Variants in ZC2HC1C observed in about 807,000 individuals in gnomAD.
ZC2HC1C encodes the protein zinc finger C2HC-type containing 1C, also known as zinc finger C2HC domain-containing protein 1C.
ZC2HC1C carries 25 observed loss-of-function variants against 39.2 expected under a neutral mutation model. That is an observed-to-expected ratio of 0.64 (90% CI 0.47 to 0.89). The LOEUF is 0.89. Among genes scored for constraint, ZC2HC1C ranks in the 40% least tolerant of loss-of-function variants. The pLI is 0.00. For missense variants in ZC2HC1C, 519 were observed against 548.6 expected, an observed-to-expected ratio of 0.95 and a Z score of 0.54; for synonymous variants, 209 against 214.4, an observed-to-expected ratio of 0.97 and a Z score of 0.22.
At chr14:75,072,169 T>C (rs1893458533) in intron 2 of ZC2HC1C, among the ~76,000 whole-genome samples, 1 of 152,230 alleles carries the variant, frequency 6.6e-6, no homozygotes, top group Non-Finnish European at 1.5e-5. Flanking sequence ...CACAAACAGC[T>C]TTAAGTGGCA....
rs66560922 is a variant in ZC2HC1C, at chr14:75,079,215, C to CAAAAAAAAAAAAAA, written c.*1658_*1671dup. 1.2e-5 allele frequency: 1 copy of CAAAAAAAAAAAAAA among 85,248 alleles called. No homozygotes were observed. Among genetic ancestry groups the CAAAAAAAAAAAAAA allele is most frequent in the Non-Finnish European group, 2.3e-5 (1 of 43,600 alleles). 5.3% of individuals were successfully genotyped at this position (85,248 alleles called of 1,614,324 possible). ...CTGGTGACCTAGTGAGACTCCATCT[C>CAAAAAAAAAAAAAA]AAAAAAAAAAAAAAAAAAAAGAAAA... On this transcript the variant is annotated 3_prime_UTR_variant, in exon 3 of 3. Coordinates refer to ENST00000524913, the MANE Select transcript of ZC2HC1C (RefSeq NM_024643.4).
rs1247029342 is a variant in ZC2HC1C, at chr14:75,077,546, G to A, written c.1353G>A (p.Gln451=). The change falls in exon 3 of 3, where the codon CAG becomes CAA. Residue 451 remains glutamine (Q), a synonymous_variant. Coordinates refer to ENST00000524913, the MANE Select transcript of ZC2HC1C (RefSeq NM_024643.4). The stretch of plus-strand genomic sequence containing the variant: ...TTACATTACAGGCTGAACCTCCTCA[G>A]AAGAGCAACTGGAGATAGAAGCATG... ...GPASAKAEPP[Q]KSNWR is the part of the protein sequence containing the mutation. 2 of 1,614,062 alleles carry A rather than the reference G, an allele frequency of 1.2e-6. No homozygotes were observed. The highest frequency in any genetic ancestry group is 1.3e-5 in the African/African-American group (1 of 74,908).
At chr14:75,076,858 G>GAATATTAATATTCATA in intron 2 of ZC2HC1C, among the ~76,000 whole-genome samples, 2 of 152,246 alleles carry the variant, frequency 1.3e-5, no homozygotes, top group African/African-American at 4.8e-5. Context: ...TTAAGCTTAA[G>GAATATTAATATTCATA]TGGGGCTCAT....
chr14:75,074,803 C>T (rs1335970172), intron 2 of ZC2HC1C, among the ~76,000 whole-genome samples: 1 of 152,122 alleles, frequency 6.6e-6, no homozygotes, highest in African/African-American at 2.4e-5. Context: ...AACTCCTAAC[C>T]TCAAGTCATC....
intron 2 of ZC2HC1C, chr14:75,073,457 C>A: frequency 5.1e-6 from 3 of 591,138 alleles, no homozygotes; most frequent in Non-Finnish European, 8.2e-6. Flanking sequence ...GATGCTCCAG[C>A]TTTATGGCAA....
rs1893747921 is a variant in ZC2HC1C, at chr14:75,077,745, T to C, written c.*181T>C. On this transcript the variant is annotated 3_prime_UTR_variant, in exon 3 of 3. Coordinates refer to ENST00000524913, the MANE Select transcript of ZC2HC1C (RefSeq NM_024643.4). ...GGTGGCTGAGCAACACATTCCCAAG[T>C]GTAAGACCATCAAGAACTGTCTTCC... 6.2e-6 allele frequency: 4 copies of C among 644,968 alleles called. No homozygotes were observed. The highest frequency in any genetic ancestry group is 5.4e-5 in the Admixed American group (2 of 36,978). The allele number at this position is 644,968 out of a possible 1,614,324, so 40.0% of individuals were successfully genotyped here.
rs764655522 is a variant in ZC2HC1C at position 75,071,839 on chromosome 14, C to T, written c.1266C>T (p.Asp422=). 3.1e-6 allele frequency: 5 copies of T among 1,614,024 alleles called. No homozygotes were observed. The highest frequency in any genetic ancestry group is 4.2e-6 in the Non-Finnish European group (5 of 1,180,010). Residue 422 remains aspartate, a synonymous_variant, in exon 2 of 3, where the codon GAC becomes GAT. Coordinates refer to ENST00000524913, the MANE Select transcript of ZC2HC1C (RefSeq NM_024643.4). The part of the protein sequence containing the change: ...RMRGSKRKVF[D]SSRARAKGTE... ...GGGGTTCCAAGAGGAAAGTGTTTGA[C>T]TCCTCCAGGGCCCGGGCTAAGGGCA...
chr14:75,071,201 T>C lies in ZC2HC1C; in HGVS notation c.628T>C (p.Trp210Arg). The C allele has an allele frequency of 6.2e-7, 1 of 1,613,658 alleles. No individual in the cohort carries two copies. The highest frequency in any genetic ancestry group is 8.5e-7 in the Non-Finnish European group (1 of 1,179,942). Residue 210 changes from tryptophan to arginine, a missense_variant, in exon 2 of 3, where the codon TGG becomes CGG. Trp to Arg is a moderately radical substitution (Grantham distance 101, BLOSUM62 -3). Transcript: ENST00000524913. ...KAVANFDRTE[W>R]VQIRRLEAAG... is the part of the protein sequence containing the mutation. ...CGTGGCAAACTTTGACAGGACGGAG[T>C]GGGTGCAGATCCGAAGACTAGAAGC...
intron 1 of ZC2HC1C, among the ~76,000 whole-genome samples, chr14:75,070,138 G>A (rs1893287030): frequency 6.6e-6 from 1 of 152,278 alleles, no homozygotes; most frequent in South Asian, 2.1e-4. Context: ...CTGTAAAATG[G>A]TGAGGCTGGA....
In ZC2HC1C at chr14:75,071,533, T is replaced by C; in HGVS notation, c.960T>C (p.Asp320=). Residue 320 remains aspartate (D), a synonymous_variant, in exon 2 of 3, where the codon GAT becomes GAC. Transcript: ENST00000524913. ...ATTCAGGTCCATTCCAGTTCTCTGA[T>C]TATAGAATCCAGAGGCTCAAAAGGG... ...QQNSGPFQFS[D]YRIQRLKRER... The C allele has an allele frequency of 6.2e-7, 1 of 1,614,120 alleles. No individual in the cohort carries two copies. Among genetic ancestry groups the C allele is most frequent in the African/African-American group, 1.3e-5 (1 of 75,028 alleles).
At chr14:75,077,078 C>T (rs888295065) in intron 2 of ZC2HC1C, among the ~76,000 whole-genome samples, 2 of 152,116 alleles carry the variant, frequency 1.3e-5, no homozygotes, top group African/African-American at 2.4e-5. Context: ...TACACTTGTA[C>T]TTAATCCCCA....
Position 75,071,066 on chromosome 14 carries a change from C to A in ZC2HC1C, c.493C>A (p.Pro165Thr). Residue 165 changes from proline to threonine, a missense_variant, in exon 2 of 3, where the codon CCA becomes ACA. By Grantham distance (38) the Pro-to-Thr change is conservative. Transcript: ENST00000524913. ...CACTGATGGGGACCATAATGTCTAC[C>A]CAAGGCCCCCTGAGCCGAGAGAGTT... ...AGTDGDHNVY[P>T]RPPEPREFSS... is the part of the protein sequence containing the mutation. 6.2e-7 allele frequency: 1 copy of A among 1,614,172 alleles called. No homozygotes were observed.
chr14:75,071,497 G>T lies in ZC2HC1C; in HGVS notation c.924G>T (p.Arg308=), dbSNP rs1893409283. Residue 308 remains arginine (R), a synonymous_variant, in exon 2 of 3, where the codon CGG becomes CGT. Coordinates refer to ENST00000524913, the MANE Select transcript of ZC2HC1C (RefSeq NM_024643.4). ...RDRREDETWG[R]SQQNSGPFQF... is the part of the protein sequence containing the mutation. ...GGAGAGAGGATGAAACTTGGGGACG[G>T]TCTCAACAAAATTCAGGTCCATTCC... 6.2e-7 allele frequency: 1 copy of T among 1,614,106 alleles called. No homozygotes were observed. Among genetic ancestry groups the T allele is most frequent in the South Asian group, 1.1e-5 (1 of 91,076 alleles).
At position 75,070,711 on chromosome 14, in the gene ZC2HC1C, G is replaced by A. The variant is rs138703292; in HGVS notation, c.138G>A (p.Lys46=). 4.9e-4 allele frequency: 793 copies of A among 1,614,170 alleles called. 2 individuals carry two copies. In the African/African-American group the frequency reaches 9.0e-3, roughly 18 times the overall value. Residue 46 remains lysine, a synonymous_variant, in exon 2 of 3, where the codon AAG becomes AAA. Transcript: ENST00000524913. ...GTGACTCTTCCCAGCAGTCCTTGAA[G>A]GGGCACCTGAGGAACAATTTCCAGA... is the stretch of plus-strand genomic sequence containing the variant. ...EQGDSSQQSL[K]GHLRNNFQKQ... is the part of the protein sequence containing the mutation.
chr14:75,077,036 G>A (rs1265306791), intron 2 of ZC2HC1C, among the ~76,000 whole-genome samples: 1 of 152,146 alleles, frequency 6.6e-6, no homozygotes, highest in Non-Finnish European at 1.5e-5. Flanking sequence ...CTGAGTGGGG[G>A]AAGGAGGCTG....
Position 75,071,688 on chromosome 14 carries a change from T to C in ZC2HC1C, c.1115T>C (p.Met372Thr), listed in dbSNP as rs761770275. ...QGSARNSSLS[M>T]APDSSGSSGS... ...TCCGCCAGAAATTCCAGCCTGTCCA[T>C]GGCACCAGACTCCTCAGGTTCCAGC... Residue 372 changes from methionine to threonine, a missense_variant, in exon 2 of 3, where the codon ATG (methionine) becomes ACG (threonine). Met to Thr is a moderately conservative substitution (Grantham distance 81, BLOSUM62 -1). Transcript: ENST00000524913. The C allele has an allele frequency of 2.5e-6, 4 of 1,614,182 alleles. No homozygotes were observed. In the South Asian group the frequency reaches 3.3e-5, roughly 13 times the overall value.
chr14:75,072,093 A>C (rs562393570), intron 2 of ZC2HC1C, among the ~76,000 whole-genome samples, 182 bp downstream of exon 2: 1 of 152,358 alleles, frequency 6.6e-6, no homozygotes, highest in South Asian at 2.1e-4. Flanking sequence ...TGTGATCTCC[A>C]CATTATCTCT....
At chr14:75,073,782 CAAT>C (rs1172625442) in intron 2 of ZC2HC1C, 8 of 376,836 alleles carry the variant, frequency 2.1e-5, no homozygotes, top group Non-Finnish European at 3.5e-5. Flanking sequence ...AATTTCAGTA[CAAT>C]GAGGAATAAA....
chr14:75,070,018 C>T (rs10138402), intron 1 of ZC2HC1C: 4,168 of 155,978 alleles, frequency 0.027, 221 homozygotes, highest in African/African-American at 0.095. Context: ...GGCACCTGCT[C>T]CAGGCCCTAG....
Sources: gnomAD v4.1 joint callset for allele counts (sites outside exome capture counted in the v4.1 genomes callset) on GRCh38, gnomAD v4.1.1 for gene constraint, MANE v1.5 for transcripts, NCBI Gene and HGNC (gene_info 2026-07-23, HGNC 2026-07-21) for gene names.